TSPAN9: variants seen among roughly 807,000 people sequenced by gnomAD.
TSPAN9 encodes the protein tetraspanin-9.
In TSPAN9, 16 loss-of-function variants were observed where a neutral mutation model predicts 31.0. The ratio of observed to expected loss-of-function variants is 0.52; its 90% CI spans 0.35 to 0.78. The LOEUF is 0.78. TSPAN9 is among the 30% of genes least tolerant of loss of function. The pLI, the probability that TSPAN9 is intolerant of heterozygous loss-of-function variation, is 0.01. For synonymous variants in TSPAN9, 145 were observed against 121.6 expected (o/e 1.19, Z -1.27); for missense variants, 272 against 312.5 (o/e 0.87, Z 0.98).
intron 2 of TSPAN9, among the ~76,000 whole-genome samples, chr12:3,159,858 A>G (rs1269953624): frequency 2.0e-5 from 3 of 152,254 alleles, no homozygotes; most frequent in African/African-American, 4.8e-5. Context: ...TCTTGGACTC[A>G]GCCTCCAGAA....
chr12:3,120,755 T>A (rs1261480492), intron 2 of TSPAN9, among the ~76,000 whole-genome samples: 1 of 152,070 alleles, frequency 6.6e-6, no homozygotes, highest in Non-Finnish European at 1.5e-5. Context: ...CGCTGATCAG[T>A]CAGTCAGTTA....
chr12:3,175,699 C>T (rs996728664), intron 2 of TSPAN9, among the ~76,000 whole-genome samples: 20 of 152,184 alleles, frequency 1.3e-4, no homozygotes, highest in African/African-American at 4.3e-4. Flanking sequence ...AGTACCTGGC[C>T]TTTCTGGTGT....
chr12:3,215,691 T>C (rs1386814762), intron 3 of TSPAN9, among the ~76,000 whole-genome samples: 1 of 152,166 alleles, frequency 6.6e-6, no homozygotes, highest in East Asian at 1.9e-4. Flanking sequence ...GGAACCCCAC[T>C]TGTGGGCTGT....
chr12:3,178,374 C>T (rs184752924), intron 2 of TSPAN9, among the ~76,000 whole-genome samples: 6,157 of 151,830 alleles, frequency 0.041, 397 homozygotes, highest in African/African-American at 0.14. Context: ...CACTGCAACC[C>T]CTGCTTCCTG....
At chr12:3,211,574 C>G (rs1305931718) in intron 3 of TSPAN9, 2 of 1,095,800 alleles carry the variant, frequency 1.8e-6, no homozygotes, top group Non-Finnish European at 2.6e-6. Flanking sequence ...CATTCATCAT[C>G]TTAGGGAAAA....
intron 3 of TSPAN9, among the ~76,000 whole-genome samples, chr12:3,204,678 C>T (rs2098374008): frequency 6.6e-6 from 1 of 152,116 alleles, no homozygotes; most frequent in African/African-American, 2.4e-5. Flanking sequence ...GTCCCATCTC[C>T]TCTTTGTCTT....
intron 3 of TSPAN9, among the ~76,000 whole-genome samples, chr12:3,251,649 A>G (rs1053317543): frequency 2.6e-5 from 4 of 152,296 alleles, no homozygotes; most frequent in East Asian, 1.9e-4. Flanking sequence ...TTTTGTTGCA[A>G]AGGACATCTT....
intron 2 of TSPAN9, among the ~76,000 whole-genome samples, chr12:3,185,695 G>T (rs1368229587): frequency 6.6e-6 from 1 of 152,260 alleles, no homozygotes; most frequent in Non-Finnish European, 1.5e-5. Context: ...CGCTGGGCAT[G>T]TGGGGAGCCC....
intron 2 of TSPAN9, among the ~76,000 whole-genome samples, chr12:3,097,587 C>T (rs1238508858): frequency 2.0e-5 from 3 of 152,130 alleles, no homozygotes; most frequent in Admixed American, 6.5e-5. Context: ...AAGTTCAAGA[C>T]GATTTCCTCT....
chr12:3,108,408 C>T (rs965651902), intron 2 of TSPAN9, among the ~76,000 whole-genome samples: 2 of 152,226 alleles, frequency 1.3e-5, no homozygotes, highest in Non-Finnish European at 2.9e-5. Flanking sequence ...GGGTTACTCT[C>T]AAGAAGTCTA....
chr12:3,214,912 T>A (rs894753857), intron 3 of TSPAN9, among the ~76,000 whole-genome samples: 1 of 151,320 alleles, frequency 6.6e-6, no homozygotes, highest in Non-Finnish European at 1.5e-5. Flanking sequence ...CCTGAACACG[T>A]CTTCAGGGCT....
intron 2 of TSPAN9, among the ~76,000 whole-genome samples, chr12:3,169,503 C>T (rs1040929188): frequency 3.9e-5 from 6 of 152,210 alleles, no homozygotes; most frequent in Admixed American, 1.3e-4. Flanking sequence ...CCTGCCCTCC[C>T]TACCGCCCAG....
rs142598268 is a variant in TSPAN9, at chr12:3,262,711, G to A, written c.64-15710G>A. 5.4e-3 allele frequency among the ~76,000 whole-genome samples: 821 copies of A among 151,498 alleles called. 13 individuals are homozygous for A. The highest frequency in any genetic ancestry group is 0.019 in the African/African-American group (771 of 40,908). On this transcript the variant is annotated intron_variant, in intron 3 of 8. Coordinates refer to ENST00000011898, the MANE Select transcript of TSPAN9 (RefSeq NM_006675.5). ...CAGCCTGTAATTGGTCAGAGGCCGC[G>A]CACAGCTCCGCTCGTTCCAGGTGAG...
chr12:3,122,936 G>A (rs893003365), intron 2 of TSPAN9, among the ~76,000 whole-genome samples: 1 of 152,306 alleles, frequency 6.6e-6, no homozygotes, highest in East Asian at 1.9e-4. Flanking sequence ...CAGGCACTTG[G>A]AGGCAGGAAA....
At chr12:3,255,863 C>T (rs78278085) in intron 3 of TSPAN9, among the ~76,000 whole-genome samples, 6,580 of 152,252 alleles carry the variant, frequency 0.043, 466 homozygotes, top group African/African-American at 0.15. Context: ...TTGGTAGAGA[C>T]GTAGATCGTG....
chr12:3,236,625 C>T (rs1006587918), intron 3 of TSPAN9, among the ~76,000 whole-genome samples: 3 of 152,194 alleles, frequency 2.0e-5, no homozygotes, highest in Non-Finnish European at 2.9e-5. Flanking sequence ...TGAGAGACTG[C>T]GGCTTTCTGG....
At position 3,280,570 on chromosome 12, in the gene TSPAN9, G is replaced by GGGGAA; in HGVS notation, c.432+89_432+90insGAAGG. 8.0e-7 allele frequency: 1 copy of GGGGAA among 1,248,882 alleles called. No homozygotes were observed. The highest frequency in any genetic ancestry group is 1.1e-6 in the Non-Finnish European group (1 of 885,828). 77.4% of individuals were successfully genotyped at this position (1,248,882 alleles called of 1,614,324 possible). A position where few individuals can be genotyped will look rare whatever the true frequency, so the allele number is the denominator to read the frequency against. On this transcript the variant is annotated intron_variant, in intron 6 of 8. Transcript: ENST00000011898. The surrounding 1 kb of genome is among the most constrained non-coding windows in gnomAD (Gnocchi z 4.5). ...AGCTGCCTTCCCCGGTGACCTGGCCGGGCACCTGTGCTTTCTGGATTTTAG... is the reference window on the plus strand; with the variant it reads ...AGCTGCCTTCCCCGGTGACCTGGCCGGGGAAGGCACCTGTGCTTTCTGGATTTTAG...
At chr12:3,213,654 G>C (rs922050659) in intron 3 of TSPAN9, among the ~76,000 whole-genome samples, 6 of 151,902 alleles carry the variant, frequency 3.9e-5, no homozygotes, top group African/African-American at 1.5e-4. Context: ...CCCTTCACCT[G>C]TCCCTTTCTC....
chr12:3,130,703 A>G (rs922576754), intron 2 of TSPAN9, among the ~76,000 whole-genome samples: 2 of 152,296 alleles, frequency 1.3e-5, no homozygotes, highest in East Asian at 3.9e-4. Context: ...AGAGATGTGC[A>G]GAGTCAGTGA....
Sources: allele counts gnomAD v4.1 joint callset (sites outside exome capture counted in the v4.1 genomes callset), GRCh38; gene constraint gnomAD v4.1.1; non-coding constraint Gnocchi (gnomAD v3.1); transcripts MANE v1.5; gene names NCBI Gene and HGNC (gene_info 2026-07-23, HGNC 2026-07-21).